The following THNSL1 variants were observed in gnomAD, a reference collection of about 807,000 sequenced individuals.
THNSL1 encodes threonine synthase-like 1.
A neutral mutation model predicts 50.4 loss-of-function variants in THNSL1; 48 were observed. The observed-to-expected ratio is 0.95, with a 90% CI of 0.76 to 1.21. The LOEUF is 1.21. Ranked by LOEUF, THNSL1 falls within the 50% of genes most tolerant of loss-of-function variation. THNSL1 has a pLI of 0.00. For missense variants in THNSL1, 896 were observed against 871.7 expected, an observed-to-expected ratio of 1.03 and a Z score of -0.35; for synonymous variants, 309 against 306.1, an observed-to-expected ratio of 1.01 and a Z score of -0.10.
the THNSL1 span, among the ~76,000 whole-genome samples, chr10:24,996,508 C>T: frequency 6.6e-6 from 1 of 151,644 alleles, no homozygotes; most frequent in South Asian, 2.1e-4. Flanking sequence ...GTATTTCTTG[C>T]TTATTGGCCG....
the THNSL1 span, among the ~76,000 whole-genome samples, chr10:24,957,038 C>T: frequency 6.6e-6 from 1 of 152,178 alleles, no homozygotes; most frequent in African/African-American, 2.4e-5. Context: ...TTGTCTTGCA[C>T]AAAACAGGTC....
At chr10:24,958,080 C>T in the THNSL1 span, among the ~76,000 whole-genome samples, 2 of 152,160 alleles carry the variant, frequency 1.3e-5, no homozygotes, top group Admixed American at 6.5e-5. Flanking sequence ...CCTAGCCCGT[C>T]ACTCAGTGAC....
the THNSL1 span, among the ~76,000 whole-genome samples, chr10:25,003,358 C>T: frequency 6.6e-5 from 10 of 152,156 alleles, no homozygotes; most frequent in East Asian, 3.9e-4. Context: ...AGGCATGCAC[C>T]GCCATGCCTG....
the THNSL1 span, chr10:24,982,780 A>G: frequency 2.0e-5 from 3 of 152,244 alleles, no homozygotes; most frequent in African/African-American, 4.8e-5. Flanking sequence ...TCTGTGAAAG[A>G]AAGGCAACAA....
At chr10:24,973,874 C>T in the THNSL1 span, among the ~76,000 whole-genome samples, 1 of 152,124 alleles carries the variant, frequency 6.6e-6, no homozygotes, top group South Asian at 2.1e-4. Context: ...CTGCCTCAGC[C>T]CCCTGAGTAG....
the THNSL1 span, among the ~76,000 whole-genome samples, chr10:25,004,810 G>T: frequency 1.3e-5 from 2 of 152,002 alleles, no homozygotes; most frequent in Non-Finnish European, 2.9e-5. Flanking sequence ...ACTGCTTTTG[G>T]CATCTTCATC....
At chr10:24,984,227 G>A in the THNSL1 span, 2 of 894,888 alleles carry the variant, frequency 2.2e-6, no homozygotes, top group Admixed American at 2.6e-5. Context: ...AACTGCAAAT[G>A]TCATGGGCCA....
chr10:24,974,270 T>C, the THNSL1 span, among the ~76,000 whole-genome samples: 94 of 148,590 alleles, frequency 6.3e-4, no homozygotes, highest in Middle Eastern at 3.4e-3. Context: ...TGAATTCTGA[T>C]GTGATTTTTA....
rs370166711 is a variant in THNSL1, at chr10:25,025,242, T to G, written c.2019T>G (p.Pro673=). The G allele has an allele frequency of 4.4e-5, 71 of 1,614,106 alleles. No homozygotes were observed. The highest frequency in any genetic ancestry group is 1.8e-4 in the South Asian group (16 of 91,092). ...CAGCCCATTACTCAAAGTTTGCACCTGCTATCATGCAGGCTTTAAAGATTA... is the reference window on the plus strand; with the variant it reads ...CAGCCCATTACTCAAAGTTTGCACCGGCTATCATGCAGGCTTTAAAGATTA... ...SSTAHYSKFA[P]AIMQALKIKE... is the part of the protein sequence containing the mutation. Residue 673 remains proline (P), a synonymous_variant, in exon 3 of 3, where the codon CCT becomes CCG. Transcript: ENST00000376356.
chr10:25,016,335 T>C (rs1285232641), upstream of THNSL1, among the ~76,000 whole-genome samples: 2 of 152,234 alleles, frequency 1.3e-5, no homozygotes, highest in African/African-American at 4.8e-5. Flanking sequence ...CCTTAAAAAC[T>C]GTGCTCTTTT....
At chr10:24,963,555 G>C in the THNSL1 span, among the ~76,000 whole-genome samples, 1 of 152,168 alleles carries the variant, frequency 6.6e-6, no homozygotes, top group Non-Finnish European at 1.5e-5. Flanking sequence ...GGGAAACCTG[G>C]AACGTACAGT....
At chr10:24,977,111 TA>T in the THNSL1 span, among the ~76,000 whole-genome samples, 1 of 152,134 alleles carries the variant, frequency 6.6e-6, no homozygotes, top group Admixed American at 6.6e-5. Context: ...AGTGAAATAA[TA>T]AAAAAGCTAT....
rs527852587 is a variant in THNSL1 at position 25,016,656 on chromosome 10, C to T, written c.-252C>T. The T allele has an allele frequency of 2.0e-5, 3 of 152,598 alleles. No homozygotes were observed. The highest frequency in any genetic ancestry group is 2.9e-5 in the Non-Finnish European group (2 of 68,246). The allele number at this position is 152,598 out of a possible 1,614,324, so 9.5% of individuals were successfully genotyped here. On this transcript the variant is annotated 5_prime_UTR_variant, in exon 1 of 3. Transcript: ENST00000376356. ...GCCGCCGCAGGCACAGGCGCAGAGT[C>T]CACTGCGCGGGGGCGGGACCGGGGA...
At chr10:24,995,569 A>T in the THNSL1 span, 1 of 1,261,282 alleles carries the variant, frequency 7.9e-7, no homozygotes, top group Non-Finnish European at 1.1e-6. Context: ...TAATAATGAT[A>T]ACATAGATGA....
the THNSL1 span, among the ~76,000 whole-genome samples, chr10:24,956,609 A>G: frequency 6.6e-6 from 1 of 152,136 alleles, no homozygotes; most frequent in African/African-American, 2.4e-5. Context: ...TGATCAACTC[A>G]GGGTAATTAG....
At chr10:25,003,580 A>C in the THNSL1 span, among the ~76,000 whole-genome samples, 1 of 152,288 alleles carries the variant, frequency 6.6e-6, no homozygotes, top group Admixed American at 6.5e-5. Flanking sequence ...AATACACATA[A>C]ATCTTATTCT....
At chr10:25,018,392 T>C (rs1209005078) in intron 1 of THNSL1, among the ~76,000 whole-genome samples, 1 of 152,218 alleles carries the variant, frequency 6.6e-6, no homozygotes, top group Non-Finnish European at 1.5e-5. Context: ...AAACTGTCTA[T>C]AAAGGGGTAG....
chr10:24,993,852 CAG>C, the THNSL1 span, among the ~76,000 whole-genome samples: 5 of 152,108 alleles, frequency 3.3e-5, no homozygotes, highest in Non-Finnish European at 5.9e-5. Flanking sequence ...AAGGGAGGGG[CAG>C]AGTGTGTGAC....
At chr10:24,952,547 T>C in the THNSL1 span, 1 of 1,591,584 alleles carries the variant, frequency 6.3e-7, no homozygotes, top group Non-Finnish European at 8.6e-7. The surrounding 1 kb of genome is among the most constrained non-coding windows in gnomAD (Gnocchi z 5.1). Context: ...TCGCCCGTAG[T>C]CTGGCGCCTC....
Sources: gnomAD v4.1 joint callset for allele counts (sites outside exome capture counted in the v4.1 genomes callset) on GRCh38, gnomAD v4.1.1 for gene constraint, Gnocchi (gnomAD v3.1) non-coding constraint, MANE v1.5 for transcripts, NCBI Gene and HGNC (gene_info 2026-07-23, HGNC 2026-07-21) for gene names.